The following NSUN3 variants were observed in gnomAD, a reference collection of about 807,000 sequenced individuals.
NSUN3 encodes tRNA (cytosine(34)-C(5))-methyltransferase, mitochondrial.
A neutral mutation model predicts 36.8 loss-of-function variants in NSUN3; 24 were observed. The ratio of observed to expected loss-of-function variants is 0.65; its 90% CI spans 0.47 to 0.92. The LOEUF (loss-of-function observed/expected upper bound fraction) is 0.92, where lower values mean the gene tolerates loss of function less well. NSUN3 is among the 40% of genes least tolerant of loss of function. The pLI, the probability that NSUN3 is intolerant of heterozygous loss-of-function variation, is 0.00. For synonymous variants in NSUN3, 146 were observed against 145.2 expected (o/e 1.01, Z -0.04); for missense variants, 381 against 392.8 (o/e 0.97, Z 0.25).
intron 5 of NSUN3, among the ~76,000 whole-genome samples, chr3:94,108,766 A>T (rs1399022787): frequency 6.6e-6 from 1 of 152,098 alleles, no homozygotes. Context: ...CCCGGGTTCC[A>T]TCAATTCTCC....
intron 5 of NSUN3, among the ~76,000 whole-genome samples, chr3:94,120,075 G>T (rs1474398312): frequency 2.0e-5 from 3 of 152,152 alleles, no homozygotes; most frequent in Admixed American, 6.5e-5. Context: ...TAAATTATGA[G>T]GCTTCTATGT....
chr3:94,064,425 T>G lies in NSUN3; in HGVS notation c.13-12T>G. On this transcript the variant is annotated splice_polypyrimidine_tract_variant and intron_variant, in intron 1 of 5. Coordinates refer to ENST00000314622, the MANE Select transcript of NSUN3 (RefSeq NM_022072.5). ...ATCACTGTGTGTCAGCAACTTTTTC[T>G]TATCGTCATAGCTGAAAGCAAAATC... 6.4e-7 allele frequency: 1 copy of G among 1,573,274 alleles called. No homozygotes were observed. The highest frequency in any genetic ancestry group is 2.2e-5 in the East Asian group (1 of 44,606).
intron 2 of NSUN3, among the ~76,000 whole-genome samples, chr3:94,066,509 C>T (rs1265628110): frequency 7.9e-5 from 12 of 152,128 alleles, no homozygotes; most frequent in Admixed American, 7.9e-4. Flanking sequence ...TTTTTAGTTT[C>T]CTGTAGTAGT....
chr3:94,124,951 G>C (rs1488877503), intron 5 of NSUN3, among the ~76,000 whole-genome samples: 2 of 152,122 alleles, frequency 1.3e-5, no homozygotes, highest in Non-Finnish European at 2.9e-5. Flanking sequence ...TTGAACCTAT[G>C]TAATTGATCC....
At chr3:94,075,911 G>C (rs1367206725) in intron 2 of NSUN3, 1 of 1,393,780 alleles carries the variant, frequency 7.2e-7, no homozygotes. Flanking sequence ...GACGTATCTA[G>C]GACCCTTGTC....
chr3:94,103,814 C>A (rs934503263), intron 5 of NSUN3, among the ~76,000 whole-genome samples: 1 of 152,122 alleles, frequency 6.6e-6, no homozygotes, highest in Non-Finnish European at 1.5e-5. Context: ...ATTAAAAGAT[C>A]AACTTTTTAA....
At chr3:94,113,478 T>C (rs2077426793) in intron 5 of NSUN3, among the ~76,000 whole-genome samples, 1 of 152,004 alleles carries the variant, frequency 6.6e-6, no homozygotes, top group South Asian at 2.1e-4. Flanking sequence ...AAATGAAGGA[T>C]AAAGTTCTAG....
At chr3:94,103,790 G>A (rs2077375505) in intron 5 of NSUN3, among the ~76,000 whole-genome samples, 1 of 152,146 alleles carries the variant, frequency 6.6e-6, no homozygotes, top group Admixed American at 6.5e-5. Context: ...GTACAAAAAT[G>A]TATCCTAAAG....
At chr3:94,111,629 G>T (rs960903108) in intron 5 of NSUN3, among the ~76,000 whole-genome samples, 2 of 151,666 alleles carry the variant, frequency 1.3e-5, no homozygotes, top group African/African-American at 4.8e-5. Context: ...AAACTAAGAT[G>T]CAAACACATA....
At chr3:94,111,988 G>C (rs1278390907) in intron 5 of NSUN3, among the ~76,000 whole-genome samples, 1 of 152,118 alleles carries the variant, frequency 6.6e-6, no homozygotes, top group Non-Finnish European at 1.5e-5. Flanking sequence ...AGCTATGAAG[G>C]CTAAGTCCCA....
chr3:94,065,857 C>A (rs1358729842), intron 2 of NSUN3, among the ~76,000 whole-genome samples: 1 of 152,134 alleles, frequency 6.6e-6, no homozygotes, highest in Non-Finnish European at 1.5e-5. Flanking sequence ...AATAACCAAA[C>A]ACTTATTGCA....
chr3:94,097,154 T>G lies in NSUN3; in HGVS notation c.743+2000T>G, dbSNP rs138680178. On this transcript the variant is annotated intron_variant, in intron 5 of 5. Coordinates refer to ENST00000314622, the MANE Select transcript of NSUN3 (RefSeq NM_022072.5). ...AAAATTTTTAGAATTTTTAAAACAT[T>G]TTTAATTATACAGGTAACACATGAA... is the stretch of plus-strand genomic sequence containing the variant. Among the ~76,000 whole-genome samples the G allele has an allele frequency of 1.3e-3, 195 of 152,276 alleles. 1 individual carries two copies. Among genetic ancestry groups the G allele is most frequent in the African/African-American group, 4.3e-3 (177 of 41,568 alleles).
rs2077282541 is a variant in NSUN3, at chr3:94,084,165, T to C, written c.181T>C (p.Tyr61His). The C allele has an allele frequency of 6.2e-7, 1 of 1,614,176 alleles. No individual in the cohort carries two copies. Among genetic ancestry groups the C allele is most frequent in the Non-Finnish European group, 8.5e-7 (1 of 1,180,006 alleles). ...TGCTGTCCTGCTTAACCGATTCAAT[T>C]ATCCTTTTGAACTGGAAAAGGATTT... is the stretch of plus-strand genomic sequence containing the variant. ...QYAVLLNRFN[Y>H]PFELEKDLHL... Residue 61 changes from tyrosine to histidine, a missense_variant, in exon 3 of 6, where the codon TAT becomes CAT. Physicochemically the swap from Tyr to His is moderately conservative, Grantham distance 83. Transcript: ENST00000314622.
chr3:94,076,494 C>T (rs1364203245), intron 2 of NSUN3: 2 of 786,396 alleles, frequency 2.5e-6, no homozygotes, highest in African/African-American at 1.7e-5. Context: ...TCTTCTACTA[C>T]TACTGTATGC....
chr3:94,066,475 A>G (rs766951514), intron 2 of NSUN3, among the ~76,000 whole-genome samples: 2 of 152,174 alleles, frequency 1.3e-5, no homozygotes, highest in African/African-American at 4.8e-5. Flanking sequence ...TTTTTGGCCT[A>G]TTTAGAAAGT....
Position 94,131,550 on chromosome 3 carries a change from T to C in NSUN3, c.*5060T>C, listed in dbSNP as rs892500299. ...TGTTTCAGGCCATATTGTAAAGAAG[T>C]GTGTCTTGTGATTTTGATACCCAGA... On this transcript the variant is annotated 3_prime_UTR_variant, in exon 6 of 6. Coordinates refer to ENST00000314622, the MANE Select transcript of NSUN3 (RefSeq NM_022072.5). Among the ~76,000 whole-genome samples the C allele has an allele frequency of 1.3e-5, 2 of 152,190 alleles. No individual in the cohort carries two copies. Among genetic ancestry groups the C allele is most frequent in the African/African-American group, 4.8e-5 (2 of 41,448 alleles).
chr3:94,069,122 A>G (rs548085621), intron 2 of NSUN3, among the ~76,000 whole-genome samples: 1 of 152,280 alleles, frequency 6.6e-6, no homozygotes, highest in South Asian at 2.1e-4. Flanking sequence ...TTCCAAATGT[A>G]TGCTCAGATC....
In NSUN3 at chr3:94,126,840, A is replaced by G. The variant is rs2077488634; in HGVS notation, c.*350A>G. ...ATGATAGTGCTTTGAACCTTCAAAA[A>G]TTCACATTTTCCAGCGCTCCGACCA... On this transcript the variant is annotated 3_prime_UTR_variant, in exon 6 of 6. Transcript: ENST00000314622. The G allele has an allele frequency of 5.9e-6, 1 of 168,618 alleles. No homozygotes were observed. The highest frequency in any genetic ancestry group is 1.3e-5 in the Non-Finnish European group (1 of 78,872). 10.4% of individuals were successfully genotyped at this position (168,618 alleles called of 1,614,324 possible).
rs148703958 is a variant in NSUN3, at chr3:94,114,215, T to C, written c.744-11996T>C. Among the ~76,000 whole-genome samples, 7 of 152,336 alleles carry C rather than the reference T, an allele frequency of 4.6e-5. No individual in the cohort carries two copies. The East Asian group carries it at 1.2e-3, about 25-fold the overall frequency. ...CTCATTGCCTCAAATTCCAAACTTA[T>C]TTTAGCAGTCATAGTATTTGCTTCA... On this transcript the variant is annotated intron_variant, in intron 5 of 5. Transcript: ENST00000314622.
Sources: allele counts gnomAD v4.1 joint callset (sites outside exome capture counted in the v4.1 genomes callset), GRCh38; gene constraint gnomAD v4.1.1; transcripts MANE v1.5; gene names NCBI Gene and HGNC (gene_info 2026-07-23, HGNC 2026-07-21).